Variants in CDKN1A observed in about 807,000 individuals in gnomAD.
CDKN1A encodes cyclin-dependent kinase inhibitor 1.
CDKN1A carries 14 observed loss-of-function variants against 14.8 expected under a neutral mutation model. The observed-to-expected ratio is 0.94, with a 90% confidence interval of 0.62 to 1.48. CDKN1A has a LOEUF of 1.48. Among genes scored for constraint, CDKN1A ranks in the 40% most tolerant of loss-of-function variants. The probability of loss-of-function intolerance (pLI) is 0.00; values close to 1 mark genes in which losing one functional copy is unlikely to be tolerated. For missense variants in CDKN1A, 203 were observed against 231.7 expected, an observed-to-expected ratio of 0.88 and a Z score of 0.80; for synonymous variants, 92 against 93.5, an observed-to-expected ratio of 0.98 and a Z score of 0.09.
chr6:36,681,279 T>TCC (rs780810528), intron 1 of CDKN1A, among the ~76,000 whole-genome samples: 7,248 of 96,682 alleles, frequency 0.075, 583 homozygotes, highest in Middle Eastern at 0.098. Context: ...TTTCTTTCTT[T>TCC]TTTTCTTTCT....
intron 2 of CDKN1A, among the ~76,000 whole-genome samples, chr6:36,685,195 C>T (rs1414202869): frequency 6.6e-6 from 1 of 152,170 alleles, no homozygotes; most frequent in East Asian, 1.9e-4. Context: ...AGTGATTTAT[C>T]TAAGGTCTCA....
chr6:36,682,079 G>T (rs1762037663), intron 1 of CDKN1A, among the ~76,000 whole-genome samples: 1 of 152,120 alleles, frequency 6.6e-6, no homozygotes, highest in Non-Finnish European at 1.5e-5. Context: ...CTCTGGTTAA[G>T]AAACCTCAAA....
rs112675295 is a variant in CDKN1A, at chr6:36,685,943, G to A, written c.*143G>A. ...ACCTCCTCATGTACATACCCTGGCC[G>A]CCCCCTGCCCCCCAGCCTCTGGCAT... On this transcript the variant is annotated 3_prime_UTR_variant, in exon 3 of 3. Coordinates refer to ENST00000244741, the MANE Select transcript of CDKN1A (RefSeq NM_000389.5). The A allele has an allele frequency of 2.6e-3, 2,058 of 797,792 alleles. 26 individuals are homozygous for A. In the African/African-American group the frequency reaches 0.03, roughly 12 times the overall value. 49.4% of individuals were successfully genotyped at this position (797,792 alleles called of 1,614,324 possible).
At chr6:36,685,662 G>A in intron 2 of CDKN1A, 89 bp from the exon 3 acceptor site, 4 of 1,367,882 alleles carry the variant, frequency 2.9e-6, no homozygotes, top group Non-Finnish European at 4.2e-6. Context: ...AGGGAAGGGT[G>A]TCCTGGCCCC....
Position 36,685,769 on chromosome 6 carries a change from G to A in CDKN1A, c.464G>A (p.Arg155His), listed in dbSNP as rs1489071647. ...TSMTDFYHSK[R>H]RLIFSKRKP is the part of the protein sequence containing the mutation. ...TCCTCAGATTTCTACCACTCCAAAC[G>A]CCGGCTGATCTTCTCCAAGAGGAAG... Residue 155 changes from arginine to histidine, a missense_variant, in exon 3 of 3, where the codon CGC becomes CAC. Arg to His is a conservative substitution (Grantham distance 29). Coordinates refer to ENST00000244741, the MANE Select transcript of CDKN1A (RefSeq NM_000389.5). 1.9e-6 allele frequency: 3 copies of A among 1,614,080 alleles called. No homozygotes were observed. The highest frequency in any genetic ancestry group is 1.1e-5 in the South Asian group (1 of 91,078).
At chr6:36,681,458 C>T (rs760214504) in intron 1 of CDKN1A, among the ~76,000 whole-genome samples, 4 of 142,400 alleles carry the variant, frequency 2.8e-5, no homozygotes, top group Admixed American at 7.3e-5. Flanking sequence ...TCTTTTCTTT[C>T]GACAGAGTTG....
chr6:36,681,663 G>T (rs1393731967), intron 1 of CDKN1A, among the ~76,000 whole-genome samples: 1 of 146,250 alleles, frequency 6.8e-6, no homozygotes, highest in East Asian at 2.0e-4. Flanking sequence ...CGTGATCTCG[G>T]CTCACTGCAA....
In CDKN1A at chr6:36,678,905, G is replaced by A. The variant is rs1761793604; in HGVS notation, c.-6+107G>A. 5.1e-6 allele frequency: 5 copies of A among 985,972 alleles called. No individual in the cohort carries two copies. The highest frequency in any genetic ancestry group is 4.8e-6 in the Non-Finnish European group (4 of 830,266). 61.1% of individuals were successfully genotyped at this position (985,972 alleles called of 1,614,324 possible). ...GTGTCCGCGAGGATGCGTGTTCGCG[G>A]GTGTGTGCTGCGTTCACAGGTGTTT... On this transcript the variant is annotated intron_variant, in intron 1 of 2. Transcript: ENST00000244741. This position sits in a 1 kb window ranked among gnomAD's most constrained non-coding sequence, Gnocchi z 5.7.
intron 1 of CDKN1A, among the ~76,000 whole-genome samples, chr6:36,683,371 C>T (rs867286802): frequency 6.6e-6 from 1 of 152,232 alleles, no homozygotes; most frequent in African/African-American, 2.4e-5. Flanking sequence ...GCCTTTCATT[C>T]AGCTCTGTTC....
At chr6:36,681,320 CTT>C (rs1178446917) in intron 1 of CDKN1A, among the ~76,000 whole-genome samples, 5 of 127,488 alleles carry the variant, frequency 3.9e-5, no homozygotes, top group Non-Finnish European at 5.1e-5. Context: ...TTCTTTCTTT[CTT>C]TCTTTCTTTC....
chr6:36,679,090 G>T (rs1220881587), intron 1 of CDKN1A, among the ~76,000 whole-genome samples: 1 of 152,198 alleles, frequency 6.6e-6, no homozygotes, highest in African/African-American at 2.4e-5. Context: ...CCCGCCCCTG[G>T]AAACCCAGCT....
At position 36,684,250 on chromosome 6, in the gene CDKN1A, A is replaced by G. The variant is rs2150313300; in HGVS notation, c.149A>G (p.Asn50Ser). 2 of 1,612,546 alleles carry G rather than the reference A, an allele frequency of 1.2e-6. No individual in the cohort carries two copies. The change falls in exon 2 of 3, where the codon AAC (asparagine) becomes AGC (serine). Residue 50 changes from asparagine (N) to serine (S), a missense_variant. Asn to Ser is a conservative substitution (Grantham distance 46, BLOSUM62 1). Coordinates refer to ENST00000244741, the MANE Select transcript of CDKN1A (RefSeq NM_000389.5). This position sits in a 1 kb window ranked among gnomAD's most constrained non-coding sequence, Gnocchi z 6.0. ...GCIQEARERWNFDFVTETPLE... is the reference protein window; with the variant it reads ...GCIQEARERWSFDFVTETPLE... ...ATCCAGGAGGCCCGTGAGCGATGGA[A>G]CTTCGACTTTGTCACCGAGACACCA...
chr6:36,677,692 A>G (rs897551183), upstream of CDKN1A: 3 of 429,620 alleles, frequency 7.0e-6, no homozygotes, highest in Middle Eastern at 3.9e-4. Flanking sequence ...TTTTGGAGCC[A>G]CAGAAATAAA....
chr6:36,678,110 G>A, upstream of CDKN1A: 1 of 373,354 alleles, frequency 2.7e-6, no homozygotes, highest in Non-Finnish European at 5.2e-6. This position sits in a 1 kb window ranked among gnomAD's most constrained non-coding sequence, Gnocchi z 5.7. Flanking sequence ...TGAAATAAAC[G>A]GGACTGAAAA....
At position 36,684,513 on chromosome 6, in the gene CDKN1A, C is replaced by G; in HGVS notation, c.412C>G (p.Gln138Glu). ...GTCCCCAGGTGGACCTGGAGACTCT[C>G]AGGGTCGAAAACGGCGGCAGACCAG... ...EGSPGGPGDS[Q>E]GRKRRQTSMT... Residue 138 changes from glutamine (Q) to glutamate (E), a missense_variant, in exon 2 of 3, where the codon CAG (glutamine) becomes GAG (glutamate). By Grantham distance (29) the Gln-to-Glu change is conservative. Transcript: ENST00000244741. The surrounding 1 kb of genome is among the most constrained non-coding windows in gnomAD (Gnocchi z 6.0). The G allele has an allele frequency of 6.2e-7, 1 of 1,614,208 alleles. No homozygotes were observed. The highest frequency in any genetic ancestry group is 8.5e-7 in the Non-Finnish European group (1 of 1,180,036).
chr6:36,681,334 T>TTCTTTCTTTCTTTCTTTCTTTCTC (rs780161958), intron 1 of CDKN1A, among the ~76,000 whole-genome samples: 10 of 86,136 alleles, frequency 1.2e-4, no homozygotes, highest in East Asian at 5.9e-4. Context: ...CTTTCTTTCT[T>TTCTTTCTTTCTTTCTTTCTTTCTC]TTTCTTTCTT....
In CDKN1A at chr6:36,684,144, A is replaced by G. The variant is rs1213732148; in HGVS notation, c.43A>G (p.Ser15Gly). ...GGATGTCCGTCAGAACCCATGCGGC[A>G]GCAAGGCCTGCCGCCGCCTCTTCGG... The part of the protein sequence containing the change: ...AGDVRQNPCG[S>G]KACRRLFGPV... The change falls in exon 2 of 3, where the codon AGC (serine) becomes GGC (glycine). Residue 15 changes from serine (S) to glycine (G), a missense_variant. Ser to Gly is a moderately conservative substitution (Grantham distance 56). Coordinates refer to ENST00000244741, the MANE Select transcript of CDKN1A (RefSeq NM_000389.5). This position sits in a 1 kb window ranked among gnomAD's most constrained non-coding sequence, Gnocchi z 6.0. The G allele has an allele frequency of 6.2e-7, 1 of 1,612,946 alleles. No individual in the cohort carries two copies. Among genetic ancestry groups the G allele is most frequent in the Admixed American group, 1.7e-5 (1 of 60,006 alleles).
At chr6:36,678,522 G>C (rs1310207056), upstream of CDKN1A, 1 of 264,050 alleles carries the variant, frequency 3.8e-6, no homozygotes, top group Non-Finnish European at 5.9e-6. The surrounding 1 kb of genome is among the most constrained non-coding windows in gnomAD (Gnocchi z 5.7). Context: ...CCTGCAGCAC[G>C]CGAGGTTCCG....
chr6:36,685,950 G>GC lies in CDKN1A; in HGVS notation c.*156dup. 5.2e-6 allele frequency: 4 copies of GC among 765,564 alleles called. No individual in the cohort carries two copies. The highest frequency in any genetic ancestry group is 1.4e-5 in the South Asian group (1 of 69,212). 47.4% of individuals were successfully genotyped at this position (765,564 alleles called of 1,614,324 possible). A position where few individuals can be genotyped will look rare whatever the true frequency, so the allele number is the denominator to read the frequency against. ...CATGTACATACCCTGGCCGCCCCCT[G>GC]CCCCCCAGCCTCTGGCATTAGAATT... On this transcript the variant is annotated 3_prime_UTR_variant, in exon 3 of 3. Coordinates refer to ENST00000244741, the MANE Select transcript of CDKN1A (RefSeq NM_000389.5).
Sources: allele counts gnomAD v4.1 joint callset (sites outside exome capture counted in the v4.1 genomes callset), GRCh38; gene constraint gnomAD v4.1.1; non-coding constraint Gnocchi (gnomAD v3.1); transcripts MANE v1.5; gene names NCBI Gene and HGNC (gene_info 2026-07-23, HGNC 2026-07-21).